The following VILL variants were observed in gnomAD, a reference collection of about 807,000 sequenced individuals.
The protein encoded by VILL is villin-like protein.
In VILL, 102 loss-of-function variants were observed where a neutral mutation model predicts 106.3. The observed-to-expected ratio is 0.96, with a 90% CI of 0.82 to 1.13. The LOEUF (loss-of-function observed/expected upper bound fraction) is 1.13, where lower values mean the gene tolerates loss of function less well. Among genes scored for constraint, VILL ranks in the 50% most tolerant of loss-of-function variants. VILL has a pLI of 0.00. For synonymous variants in VILL, 431 were observed against 440.3 expected (o/e 0.98, Z 0.27); for missense variants, 1,076 against 1,116.6 (o/e 0.96, Z 0.52).
intron 16 of VILL, among the ~76,000 whole-genome samples, chr3:38,005,561 G>GAA (rs59354509): frequency 6.7e-6 from 1 of 150,196 alleles, no homozygotes; most frequent in Non-Finnish European, 1.5e-5. Flanking sequence ...AATCATGCAA[G>GAA]AAAAAAAAAA....
chr3:37,994,269 G>C lies in VILL; in HGVS notation c.144G>C (p.Gln48His), dbSNP rs865862389. The change falls in exon 4 of 20, where the codon CAG (glutamine) becomes CAC (histidine). Residue 48 changes from glutamine to histidine, a missense_variant. Gln to His is a conservative substitution (Grantham distance 24). Coordinates refer to ENST00000383759, the MANE Select transcript of VILL (RefSeq NM_015873.4). Reference protein sequence around the residue: ...EHCYVILHVPQSPKATQGASS... With the variant: ...EHCYVILHVPHSPKATQGASS... ...AAACACCCGGACCCTAGGTCCCCCA[G>C]AGCCCGAAGGCCACGCAGGGGGCGT... 3.1e-6 allele frequency: 5 copies of C among 1,608,244 alleles called. No homozygotes were observed. Among genetic ancestry groups the C allele is most frequent in the Middle Eastern group, 3.3e-4 (2 of 6,062 alleles).
At position 38,001,749 on chromosome 3, in the gene VILL, T is replaced by A. The variant is rs767696915; in HGVS notation, c.1368T>A (p.Ala456=). ...ADEIEALNSN[A]EELDVMYGGV... ...AGATTGAGGCCCTGAACAGCAACGC[T>A]GAGGAACTAGATGTCATGTATGGTG... is the stretch of plus-strand genomic sequence containing the variant. Residue 456 remains alanine, a synonymous_variant, in exon 13 of 20, where the codon GCT becomes GCA. Transcript: ENST00000383759. The A allele has an allele frequency of 3.1e-6, 5 of 1,614,102 alleles. No homozygotes were observed. In the African/African-American group the frequency reaches 6.7e-5, roughly 22 times the overall value.
rs1559368360 is a variant in VILL, at chr3:38,006,166, C to T, written c.2134-15C>T. ...CCTGCCCTGGCCCTGATACTTGCCC[C>T]GATTCTTGCTCCAGAGCCACCCGTC... On this transcript the variant is annotated splice_polypyrimidine_tract_variant and intron_variant, in intron 17 of 19. Coordinates refer to ENST00000383759, the MANE Select transcript of VILL (RefSeq NM_015873.4). 5 of 1,614,202 alleles carry T rather than the reference C, an allele frequency of 3.1e-6. No individual in the cohort carries two copies. The highest frequency in any genetic ancestry group is 1.1e-5 in the South Asian group (1 of 91,086).
At chr3:37,994,203 TCTC>T (rs1449868505) in intron 3 of VILL, 55 bp from the exon 4 acceptor site, 2 of 1,546,696 alleles carry the variant, frequency 1.3e-6, no homozygotes, top group African/African-American at 2.7e-5. Flanking sequence ...ATCCTCCCCT[TCTC>T]CACCCGCACC....
At chr3:37,999,186 C>A (rs1699767250) in intron 10 of VILL, 136 bp downstream of exon 10, 7 of 1,219,776 alleles carry the variant, frequency 5.7e-6, no homozygotes, top group Admixed American at 3.2e-5. Flanking sequence ...CTGCACGGGG[C>A]GGAACAGAGC....
intron 11 of VILL, among the ~76,000 whole-genome samples, chr3:37,999,875 A>C (rs1699782144): frequency 6.6e-6 from 1 of 152,240 alleles, no homozygotes; most frequent in Non-Finnish European, 1.5e-5. Flanking sequence ...ACCAACACAG[A>C]CACACGATCA....
In VILL at chr3:38,007,063, C is replaced by T; in HGVS notation, c.*8C>T. The T allele has an allele frequency of 6.2e-7, 1 of 1,611,048 alleles. No individual in the cohort carries two copies. Among genetic ancestry groups the T allele is most frequent in the Non-Finnish European group, 8.5e-7 (1 of 1,177,370 alleles). Reference sequence around the variant, plus strand: ...CAGCTGGGCTTCTTCTGAACCCAAGCCCTCTCGACTGCCCCTATCCCCTGG... The same window carrying T: ...CAGCTGGGCTTCTTCTGAACCCAAGTCCTCTCGACTGCCCCTATCCCCTGG... On this transcript the variant is annotated 3_prime_UTR_variant, in exon 20 of 20. Coordinates refer to ENST00000383759, the MANE Select transcript of VILL (RefSeq NM_015873.4).
intron 18 of VILL, 98 bp downstream of exon 18, chr3:38,006,350 G>A: frequency 1.0e-5 from 16 of 1,602,964 alleles, no homozygotes; most frequent in Non-Finnish European, 1.4e-5. Flanking sequence ...TAAGTGGGAG[G>A]GGCTGCAGTT....
chr3:38,005,749 A>G, intron 16 of VILL, 43 bp from the exon 17 acceptor site: 1 of 1,570,602 alleles, frequency 6.4e-7, no homozygotes, highest in Non-Finnish European at 8.6e-7. Flanking sequence ...AGCTCTGGGC[A>G]GCCCCTCCAC....
chr3:37,989,195 ATGTTCACACTGAACG>A (rs1229875867), upstream of VILL, among the ~76,000 whole-genome samples: 2 of 152,148 alleles, frequency 1.3e-5, no homozygotes, highest in African/African-American at 2.4e-5. Context: ...CACCCTCTGG[ATGTTCACACTGAACG>A]TGTTCCTGGG....
chr3:37,994,139 C>A, intron 3 of VILL, 122 bp from the exon 4 acceptor site: 1 of 1,412,346 alleles, frequency 7.1e-7, no homozygotes, highest in Non-Finnish European at 9.8e-7. Context: ...TTCCCTCCCA[C>A]TTCCTGATCT....
intron 5 of VILL, among the ~76,000 whole-genome samples, chr3:37,996,525 T>C (rs548987625): frequency 6.6e-6 from 1 of 152,304 alleles, no homozygotes; most frequent in African/African-American, 2.4e-5. Context: ...ACAGTGTGAA[T>C]GGTAACCCTT....
chr3:37,994,055 C>T lies in VILL; in HGVS notation c.135+83C>T, dbSNP rs186949540. The T allele has an allele frequency of 5.1e-6, 8 of 1,563,100 alleles. No homozygotes were observed. The Admixed American group carries it at 1.0e-4, about 20-fold the overall frequency. On this transcript the variant is annotated intron_variant, in intron 3 of 19. Transcript: ENST00000383759. ...CTGAGGCACAGGCATAAACTCTGCC[C>T]TGGGAAGCGGCAAGTTGAGAGCCGG...
At position 38,007,019 on chromosome 3, in the gene VILL, G is replaced by A. The variant is rs1319649684; in HGVS notation, c.2535G>A (p.Arg845=). 2 of 1,614,118 alleles carry A rather than the reference G, an allele frequency of 1.2e-6. No individual in the cohort carries two copies. The highest frequency in any genetic ancestry group is 8.5e-7 in the Non-Finnish European group (1 of 1,180,016). Residue 845 remains arginine (R), a synonymous_variant, in exon 20 of 20, where the codon AGG becomes AGA. Transcript: ENST00000383759. The part of the protein sequence containing the change: ...KEEFYSMATW[R]QRQEKKQLGF... ...AATTCTACAGCATGGCCACGTGGAG[G>A]CAGCGGCAGGAGAAAAAGCAGCTGG...
rs376389684 is a variant in VILL, at chr3:38,001,571, A to G, written c.1298A>G (p.Gln433Arg). Reference protein sequence around the residue: ...LYTYQRLGRVQYILYLWQGHQ... With the variant: ...LYTYQRLGRVRYILYLWQGHQ... Reference sequence around the variant, plus strand: ...ACATACCAGAGGCTGGGCCGTGTCCAGTACATCCTGTACCTATGGCAGGTG... The same window carrying G: ...ACATACCAGAGGCTGGGCCGTGTCCGGTACATCCTGTACCTATGGCAGGTG... The change falls in exon 12 of 20, where the codon CAG becomes CGG. Residue 433 changes from glutamine (Q) to arginine (R), a missense_variant. Gln to Arg is a conservative substitution (Grantham distance 43). Transcript: ENST00000383759. 1 of 1,614,190 alleles carries G rather than the reference A, an allele frequency of 6.2e-7. No individual in the cohort carries two copies. The highest frequency in any genetic ancestry group is 1.6e-4 in the Middle Eastern group (1 of 6,062).
In VILL at chr3:37,994,290, G is replaced by A. The variant is rs774228784; in HGVS notation, c.165G>A (p.Gly55=). ...HVPQSPKATQ[G]ASSDLHYWVG... is the part of the protein sequence containing the mutation. Reference sequence around the variant, plus strand: ...CCCAGAGCCCGAAGGCCACGCAGGGGGCGTCCAGCGACCTGCACTACTGGG... The same window carrying A: ...CCCAGAGCCCGAAGGCCACGCAGGGAGCGTCCAGCGACCTGCACTACTGGG... The change falls in exon 4 of 20, where the codon GGG becomes GGA. Residue 55 remains glycine, a synonymous_variant. Transcript: ENST00000383759. 2 of 1,610,958 alleles carry A rather than the reference G, an allele frequency of 1.2e-6. No individual in the cohort carries two copies. Among genetic ancestry groups the A allele is most frequent in the East Asian group, 2.2e-5 (1 of 44,858 alleles).
Position 38,007,136 on chromosome 3 carries a change from CAG to C in VILL, c.*84_*85del, listed in dbSNP as rs1307758894. On this transcript the variant is annotated 3_prime_UTR_variant, in exon 20 of 20. Coordinates refer to ENST00000383759, the MANE Select transcript of VILL (RefSeq NM_015873.4). The stretch of plus-strand genomic sequence containing the variant: ...GGGGAGGCCCTGCTTCCACTCCCCT[CAG>C]AGGCTTTTGGTCATCCTCTGCGTGT... 2.5e-6 allele frequency: 3 copies of C among 1,211,234 alleles called. No individual in the cohort carries two copies. The highest frequency in any genetic ancestry group is 3.6e-6 in the Non-Finnish European group (3 of 832,232). The allele number at this position is 1,211,234 out of a possible 1,614,324, so 75.0% of individuals were successfully genotyped here.
At position 38,005,853 on chromosome 3, in the gene VILL, A is replaced by G; in HGVS notation, c.2012A>G (p.Glu671Gly). The G allele has an allele frequency of 6.2e-7, 1 of 1,613,960 alleles. No homozygotes were observed. The highest frequency in any genetic ancestry group is 1.7e-4 in the Middle Eastern group (1 of 6,056). Residue 671 changes from glutamate to glycine, a missense_variant, in exon 17 of 20, where the codon GAG becomes GGG. Glu to Gly is a moderately conservative substitution (Grantham distance 98). Transcript: ENST00000383759. ...EWKEAVAWGQ[E>G]YLKTHPAGRS... The stretch of plus-strand genomic sequence containing the variant: ...AAGGAGGCGGTGGCCTGGGGCCAGG[A>G]GTACCTGAAGACTCACCCAGCAGGG...
chr3:37,992,602 C>T (rs1312431097), intron 1 of VILL, among the ~76,000 whole-genome samples: 1 of 152,184 alleles, frequency 6.6e-6, no homozygotes, highest in Non-Finnish European at 1.5e-5. Flanking sequence ...ATCTGCTGCT[C>T]TGGTGAGGGA....
Sources: gnomAD v4.1 joint callset for allele counts (sites outside exome capture counted in the v4.1 genomes callset) on GRCh38, gnomAD v4.1.1 for gene constraint, MANE v1.5 for transcripts, NCBI Gene and HGNC (gene_info 2026-07-23, HGNC 2026-07-21) for gene names.